RGS3: variants seen among roughly 807,000 people sequenced by gnomAD.
The protein encoded by RGS3 is regulator of G-protein signalling 3.
RGS3 carries 80 observed loss-of-function variants against 132.6 expected under a neutral mutation model. The observed-to-expected ratio is 0.60, with a 90% confidence interval of 0.50 to 0.73. RGS3 has a LOEUF of 0.73. Among genes scored for constraint, RGS3 ranks in the 30% least tolerant of loss-of-function variants. The pLI, the probability that RGS3 is intolerant of heterozygous loss-of-function variation, is 0.00. For synonymous variants in RGS3, 598 were observed against 620.6 expected, an observed-to-expected ratio of 0.96 and a Z score of 0.54; for missense variants, 1,382 against 1,530.8, an observed-to-expected ratio of 0.90 and a Z score of 1.62.
chr9:113,587,770 C>T (rs1835193178), intron 20 of RGS3, among the ~76,000 whole-genome samples: 1 of 152,234 alleles, frequency 6.6e-6, no homozygotes, highest in Non-Finnish European at 1.5e-5. Flanking sequence ...CCATGGTGAT[C>T]TCACAGATGG....
At chr9:113,514,790 G>T in intron 15 of RGS3, 136 bp downstream of exon 13, 1 of 774,284 alleles carries the variant, frequency 1.3e-6, no homozygotes, top group East Asian at 2.7e-5. Flanking sequence ...AGCTTTAGAT[G>T]CATAGGATTC....
intron 16 of RGS3, among the ~76,000 whole-genome samples, chr9:113,521,099 A>G (rs998996986): frequency 6.6e-6 from 1 of 152,140 alleles, no homozygotes; most frequent in Non-Finnish European, 1.5e-5. Flanking sequence ...AGCGTTCAAC[A>G]CTTGAAGACT....
chr9:113,536,346 C>A, intron 18 of RGS3: 1 of 348,212 alleles, frequency 2.9e-6, no homozygotes, highest in Non-Finnish European at 4.0e-6. Flanking sequence ...GCCTTGGGAT[C>A]AGAGAAGAGC....
intron 19 of RGS3, among the ~76,000 whole-genome samples, chr9:113,571,363 A>T (rs1834283540): frequency 6.6e-6 from 1 of 152,180 alleles, no homozygotes; most frequent in Admixed American, 6.5e-5. Context: ...TACTCCCTTT[A>T]AGCTGTACAT....
chr9:113,519,475 A>G (rs539166472), intron 16 of RGS3, among the ~76,000 whole-genome samples: 10 of 150,442 alleles, frequency 6.6e-5, no homozygotes, highest in Admixed American at 1.3e-4. Context: ...GCAACCAAAC[A>G]TGTAGATCTG....
chr9:113,535,639 T>G (rs1002634840), intron 18 of RGS3, among the ~76,000 whole-genome samples: 1 of 152,176 alleles, frequency 6.6e-6, no homozygotes, highest in Non-Finnish European at 1.5e-5. Flanking sequence ...GGTTGACAGC[T>G]GGGAAGTGGC....
chr9:113,448,892 T>TTTTGGCAACCCAAC (rs1829178946), intron 1 of RGS3, among the ~76,000 whole-genome samples: 1 of 152,010 alleles, frequency 6.6e-6, no homozygotes, highest in Non-Finnish European at 1.5e-5. Context: ...CTGGGTTGGG[T>TTTTGGCAACCCAAC]TTTGGCAAGT....
At chr9:113,584,084 G>A in exon 20 of RGS3, 2 of 1,614,176 alleles carry the variant, frequency 1.2e-6, no homozygotes, top group South Asian at 2.2e-5. Flanking sequence ...GTGGAGGAGG[G>A]GGAGGAAGGG....
chr9:113,539,963 C>A (rs936152127), intron 19 of RGS3, among the ~76,000 whole-genome samples: 1 of 152,060 alleles, frequency 6.6e-6, no homozygotes, highest in African/African-American at 2.4e-5. Context: ...GGGCACTGGG[C>A]CCGTGGCTCT....
chr9:113,536,891 G>A (rs142293211), exon 19 of RGS3: 101 of 1,613,996 alleles, frequency 6.3e-5, no homozygotes, highest in Non-Finnish European at 8.2e-5. Flanking sequence ...AGCAGCAACA[G>A]CTGGCAGCAT....
chr9:113,468,917 G>T (rs1488920017), intron 3 of RGS3, among the ~76,000 whole-genome samples: 2 of 152,140 alleles, frequency 1.3e-5, no homozygotes, highest in Non-Finnish European at 2.9e-5. Flanking sequence ...AATGAAAGCT[G>T]TCGGGAGCAG....
In RGS3 at chr9:113,537,207, C is replaced by T. The variant is rs117317381; in HGVS notation, c.2037+289C>T. Among the ~76,000 whole-genome samples, 300 of 152,370 alleles carry T rather than the reference C, an allele frequency of 2.0e-3. 8 individuals are homozygous for T. The East Asian group carries it at 0.045, about 23-fold the overall frequency. ...GGTTTGCCTATGGCAAGGTTTAATT[C>T]GGGCTGGCCTCCCTGATGCTGCCTG... On this transcript the variant is annotated intron_variant, in intron 19 of 24. Transcript: ENST00000350696. The surrounding 1 kb of genome is among the most constrained non-coding windows in gnomAD (Gnocchi z 4.3).
intron 4 of RGS3, 82 bp from the exon 3 acceptor site, chr9:113,482,977 A>G: frequency 1.2e-6 from 2 of 1,607,644 alleles, no homozygotes; most frequent in Non-Finnish European, 1.7e-6. Flanking sequence ...GTGGATGGAT[A>G]TGTCTATGTG....
At chr9:113,500,230 G>T (rs965401632) in intron 10 of RGS3, among the ~76,000 whole-genome samples, 4 of 152,362 alleles carry the variant, frequency 2.6e-5, no homozygotes, top group African/African-American at 9.6e-5. Flanking sequence ...CTTGGTTGGG[G>T]CCGGGGGAGA....
chr9:113,570,405 G>A (rs1476613328), intron 19 of RGS3: 3 of 152,176 alleles, frequency 2.0e-5, no homozygotes, highest in Non-Finnish European at 4.4e-5. Flanking sequence ...AGCTCACCGA[G>A]AAGCAGTGAG....
chr9:113,483,202 GGGCTGGT>G, intron 5 of RGS3, 85 bp downstream of exon 3: 1 of 947,376 alleles, frequency 1.1e-6, no homozygotes, highest in Non-Finnish European at 1.6e-6. Flanking sequence ...CACACCTGTG[GGGCTGGT>G]GACCTTTGAG....
rs1835435102 is a variant in RGS3 at position 113,591,629 on chromosome 9, GA to G, written c.3080+234del. On this transcript the variant is annotated intron_variant, in intron 21 of 24. Transcript: ENST00000350696. The surrounding 1 kb of genome is among the most constrained non-coding windows in gnomAD (Gnocchi z 4.4). ...AGGCAAAGTGCTGATTCAGTACCCG[GA>G]AGCCACAGTGAACCAGAAGCAACCA... is the stretch of plus-strand genomic sequence containing the variant. 1 of 519,384 alleles carries G rather than the reference GA, an allele frequency of 1.9e-6. No individual in the cohort carries two copies. Among genetic ancestry groups the G allele is most frequent in the Non-Finnish European group, 3.5e-6 (1 of 285,432 alleles). The allele number at this position is 519,384 out of a possible 1,614,324, so 32.2% of individuals were successfully genotyped here.
At chr9:113,516,936 A>G (rs1367544255) in intron 15 of RGS3, among the ~76,000 whole-genome samples, 4 of 152,274 alleles carry the variant, frequency 2.6e-5, no homozygotes. Context: ...CATAAGGACA[A>G]GTCCTGCTGG....
At chr9:113,509,433 A>G (rs961454361) in intron 14 of RGS3, among the ~76,000 whole-genome samples, 1 of 152,202 alleles carries the variant, frequency 6.6e-6, no homozygotes, top group Non-Finnish European at 1.5e-5. Flanking sequence ...GAGGCTATAC[A>G]GAGGGTAGCT....
Sources: gnomAD v4.1 joint callset for allele counts (sites outside exome capture counted in the v4.1 genomes callset) on GRCh38, gnomAD v4.1.1 for gene constraint, Gnocchi (gnomAD v3.1) non-coding constraint, MANE v1.5 for transcripts, NCBI Gene and HGNC (gene_info 2026-07-23, HGNC 2026-07-21) for gene names.